GLIS3: variants seen among roughly 807,000 people sequenced by gnomAD.
GLIS3 encodes the protein zinc finger protein GLIS3.
GLIS3 carries 53 observed loss-of-function variants against 78.6 expected under a neutral mutation model. The observed-to-expected ratio is 0.67, with a 90% CI of 0.54 to 0.85. The LOEUF (loss-of-function observed/expected upper bound fraction) is 0.85. GLIS3 is among the 40% of genes least tolerant of loss of function. The pLI, the probability that GLIS3 is intolerant of heterozygous loss-of-function variation, is 0.00. For missense variants in GLIS3, 1,703 were observed against 1,231.1 expected (o/e 1.38, Z -5.74); for synonymous variants, 684 against 509.9 (o/e 1.34, Z -4.60).
chr9:4,320,496 CA>C (rs1349658571), intron 2 of GLIS3, among the ~76,000 whole-genome samples: 1 of 152,186 alleles, frequency 6.6e-6, no homozygotes, highest in Non-Finnish European at 1.5e-5. Context: ...TCTGTCAATA[CA>C]TCTATCAAAT....
intron 6 of GLIS3, among the ~76,000 whole-genome samples, chr9:3,921,765 C>T (rs1344670318): frequency 6.6e-6 from 1 of 151,928 alleles, no homozygotes; most frequent in Non-Finnish European, 1.5e-5. Context: ...TATATAGTTA[C>T]TTCAAATCAA....
chr9:4,280,632 T>C (rs947715446), intron 2 of GLIS3, among the ~76,000 whole-genome samples: 2 of 152,056 alleles, frequency 1.3e-5, no homozygotes, highest in Non-Finnish European at 2.9e-5. Flanking sequence ...TATGCAATGA[T>C]TGGTTAATTT....
the GLIS3 span, among the ~76,000 whole-genome samples, chr9:4,359,030 G>A: frequency 6.6e-6 from 1 of 152,226 alleles, no homozygotes. Flanking sequence ...GGCTTGTAGA[G>A]GCAGAGACTT....
At chr9:4,012,122 T>C (rs1822064416) in intron 4 of GLIS3, among the ~76,000 whole-genome samples, 1 of 152,150 alleles carries the variant, frequency 6.6e-6, no homozygotes, top group Non-Finnish European at 1.5e-5. Flanking sequence ...TTCAGAGAAA[T>C]TTCTTAAGTA....
the GLIS3 span, among the ~76,000 whole-genome samples, chr9:4,357,561 C>CTGTGTGTGTG: frequency 0.033 from 4,876 of 147,718 alleles, 81 homozygotes; most frequent in South Asian, 0.06. Flanking sequence ...GAACTAATTC[C>CTGTGTGTGTG]TGTGTGTGTG....
the GLIS3 span, among the ~76,000 whole-genome samples, chr9:4,484,681 T>C: frequency 1.3e-5 from 2 of 152,024 alleles, no homozygotes. Context: ...CCTCCCAAAG[T>C]GCTGGGATTA....
chr9:4,147,932 T>TA (rs1834357449), intron 2 of GLIS3, among the ~76,000 whole-genome samples: 1 of 152,228 alleles, frequency 6.6e-6, no homozygotes, highest in Non-Finnish European at 1.5e-5. Context: ...TAAGTCAACT[T>TA]ACTGTCGGCT....
At chr9:4,407,420 T>C in the GLIS3 span, among the ~76,000 whole-genome samples, 1 of 152,104 alleles carries the variant, frequency 6.6e-6, no homozygotes, top group Admixed American at 6.5e-5. Context: ...CCGAGGCAGG[T>C]GGATCACGAG....
chr9:4,196,233 G>T (rs1012306105), intron 2 of GLIS3, among the ~76,000 whole-genome samples: 1 of 152,124 alleles, frequency 6.6e-6, no homozygotes, highest in African/African-American at 2.4e-5. Flanking sequence ...TCTAGCTCAA[G>T]GTTTGTAAAC....
the GLIS3 span, among the ~76,000 whole-genome samples, chr9:4,446,504 ATTTT>A: frequency 8.6e-3 from 1,062 of 124,106 alleles, 6 homozygotes; most frequent in African/African-American, 0.018. Flanking sequence ...AAATATCCAA[ATTTT>A]TTTTTTTTTT....
chr9:4,156,721 G>A (rs754169275), intron 2 of GLIS3, among the ~76,000 whole-genome samples: 5 of 152,036 alleles, frequency 3.3e-5, no homozygotes, highest in Admixed American at 2.0e-4. Flanking sequence ...ATGCTTAAGC[G>A]TCAGTAAGTT....
intron 6 of GLIS3, 95 bp downstream of exon 6, chr9:3,932,265 G>A (rs886342463): frequency 6.6e-6 from 6 of 906,378 alleles, no homozygotes; most frequent in Non-Finnish European, 9.2e-6. Context: ...ACCATGAGAA[G>A]TATAAGAATT....
chr9:3,963,885 C>G (rs1293304048), intron 4 of GLIS3, among the ~76,000 whole-genome samples: 1 of 152,040 alleles, frequency 6.6e-6, no homozygotes, highest in Non-Finnish European at 1.5e-5. Flanking sequence ...TTTCATGTTT[C>G]ATTTCTGAAT....
At chr9:4,272,330 G>C (rs1331262918) in intron 2 of GLIS3, among the ~76,000 whole-genome samples, 1 of 152,110 alleles carries the variant, frequency 6.6e-6, no homozygotes, top group Non-Finnish European at 1.5e-5. Context: ...AATTCTGGTA[G>C]ACATAATGTA....
chr9:3,848,592 C>T (rs1819211455), intron 9 of GLIS3, among the ~76,000 whole-genome samples: 1 of 152,186 alleles, frequency 6.6e-6, no homozygotes. Context: ...ATGGCTACAG[C>T]CCATAGGCAT....
chr9:3,845,668 C>T (rs372503034), intron 9 of GLIS3, among the ~76,000 whole-genome samples: 139 of 152,272 alleles, frequency 9.1e-4, no homozygotes, highest in African/African-American at 3.2e-3. Flanking sequence ...AAGTTTCCCC[C>T]AGCATACCCG....
intron 2 of GLIS3, among the ~76,000 whole-genome samples, chr9:4,135,473 G>C (rs1217571329): frequency 1.3e-5 from 2 of 152,048 alleles, no homozygotes; most frequent in Non-Finnish European, 2.9e-5. Flanking sequence ...ATTCTTGAGA[G>C]AAGTCATCGA....
At chr9:3,909,559 A>G (rs1466563938) in intron 6 of GLIS3, among the ~76,000 whole-genome samples, 1 of 152,226 alleles carries the variant, frequency 6.6e-6, no homozygotes, top group African/African-American at 2.4e-5. Context: ...TTTAGTTAGC[A>G]GTGACTCCAA....
chr9:4,216,427 C>T (rs1204923023), intron 2 of GLIS3, among the ~76,000 whole-genome samples: 1 of 147,004 alleles, frequency 6.8e-6, no homozygotes, highest in African/African-American at 2.5e-5. Context: ...TTGCAGTAAG[C>T]TGAGATTGCG....
Sources: gnomAD v4.1 joint callset for allele counts (sites outside exome capture counted in the v4.1 genomes callset) on GRCh38, gnomAD v4.1.1 for gene constraint, MANE v1.5 for transcripts, NCBI Gene and HGNC (gene_info 2026-07-23, HGNC 2026-07-21) for gene names.